The following FNTA variants were observed in gnomAD, a reference collection of about 807,000 sequenced individuals.
FNTA encodes the protein farnesyltransferase, CAAX box, subunit alpha.
In FNTA, 27 loss-of-function variants were observed where a neutral mutation model predicts 55.2. That is an observed-to-expected ratio of 0.49 (90% CI 0.36 to 0.67). FNTA has a LOEUF of 0.67. Ranked by LOEUF, FNTA falls within the 30% of genes least tolerant of loss-of-function variation. The pLI is 0.00. For missense variants in FNTA, 422 were observed against 464.7 expected (o/e 0.91, Z 0.85); for synonymous variants, 176 against 170.7 (o/e 1.03, Z -0.24).
rs1191783877 is a variant in FNTA, at chr8:43,072,253, T to C, written c.579T>C (p.Leu193=). 1 of 1,591,940 alleles carries C rather than the reference T, an allele frequency of 6.3e-7. No individual in the cohort carries two copies. The highest frequency in any genetic ancestry group is 1.4e-5 in the African/African-American group (1 of 73,880). Residue 193 remains leucine (L), a synonymous_variant, in exon 5 of 9, where the codon CTT becomes CTC. Transcript: ENST00000302279. ...AGCTTGAATTTATTGCTGATATTCT[T>C]AATCAGGATGCAAAGAATTATCATG... is the stretch of plus-strand genomic sequence containing the variant. ...SQELEFIADI[L]NQDAKNYHAW... is the part of the protein sequence containing the mutation.
At chr8:43,066,614 TTA>T (rs1288467757) in intron 3 of FNTA, among the ~76,000 whole-genome samples, 1 of 75,104 alleles carries the variant, frequency 1.3e-5, no homozygotes, top group African/African-American at 4.5e-5. Flanking sequence ...GTGTGTGTGT[TTA>T]ATTTCATGGA....
intron 5 of FNTA, among the ~76,000 whole-genome samples, chr8:43,075,561 A>G (rs1293521632): frequency 1.3e-5 from 2 of 152,002 alleles, no homozygotes; most frequent in Non-Finnish European, 2.9e-5. Flanking sequence ...CATGCCTGTA[A>G]TCCCAGCACT....
intron 5 of FNTA, among the ~76,000 whole-genome samples, chr8:43,076,378 T>C (rs1375996067): frequency 1.3e-5 from 2 of 152,116 alleles, no homozygotes; most frequent in African/African-American, 2.4e-5. Context: ...GATCTTGTTA[T>C]GTTGCCTCTG....
At position 43,085,516 on chromosome 8, in the gene FNTA, T is replaced by A. The variant is rs968411035; in HGVS notation, c.*234T>A. The A allele has an allele frequency of 2.6e-5, 13 of 503,530 alleles. No homozygotes were observed. Among genetic ancestry groups the A allele is most frequent in the Admixed American group, 8.4e-5 (2 of 23,832 alleles). 31.2% of individuals were successfully genotyped at this position (503,530 alleles called of 1,614,324 possible). A position where few individuals can be genotyped will look rare whatever the true frequency, so the allele number is the denominator to read the frequency against. On this transcript the variant is annotated 3_prime_UTR_variant, in exon 9 of 9. Transcript: ENST00000302279. ...ATGGGAGGAGGAAGAAAAAGTCCCATAAAGGAACTTTTGTAGTCTTATCAA... is the reference window on the plus strand; with the variant it reads ...ATGGGAGGAGGAAGAAAAAGTCCCAAAAAGGAACTTTTGTAGTCTTATCAA...
At chr8:43,080,089 G>GTGAAATGACATTGT (rs1810994262) in intron 6 of FNTA, 1 of 152,226 alleles carries the variant, frequency 6.6e-6, no homozygotes, top group Non-Finnish European at 1.5e-5. Context: ...CAACGACGTT[G>GTGAAATGACATTGT]TGAAATGACA....
intron 4 of FNTA, 26 bp downstream of exon 4, chr8:43,069,685 C>T (rs377283893): frequency 2.6e-4 from 388 of 1,472,000 alleles, no homozygotes; most frequent in Non-Finnish European, 3.5e-4. Context: ...AGCTGTGTCT[C>T]CCAGGCTGGA....
chr8:43,057,956 C>CAA lies in FNTA; in HGVS notation c.201-1120_201-1119dup, dbSNP rs71550440. On this transcript the variant is annotated intron_variant, in intron 1 of 8. Transcript: ENST00000302279. ...CCTGGACAAGAGCGTGACTCCATCT[C>CAA]AAAAAAAAAAAAAAAAAGTGAAAGG... 5.3e-4 allele frequency among the ~76,000 whole-genome samples: 37 copies of CAA among 69,342 alleles called. 1 individual carries two copies. The highest frequency in any genetic ancestry group is 1.4e-3 in the South Asian group (3 of 2,188). 45.5% of individuals were successfully genotyped at this position (69,342 alleles called of 152,430 possible). A position where few individuals can be genotyped will look rare whatever the true frequency, so the allele number is the denominator to read the frequency against.
intron 5 of FNTA, 34 bp from the exon 6 acceptor site, chr8:43,077,182 C>G: frequency 6.8e-7 from 1 of 1,478,936 alleles, no homozygotes; most frequent in Non-Finnish European, 9.2e-7. Context: ...TGGGACATTT[C>G]TAATTGGATG....
chr8:43,072,185 C>A lies in FNTA; in HGVS notation c.511C>A (p.His171Asn). The change falls in exon 5 of 9, where the codon CAT (histidine) becomes AAT (asparagine). Residue 171 changes from histidine to asparagine, a missense_variant. By Grantham distance (68) the His-to-Asn change is moderately conservative. Coordinates refer to ENST00000302279, the MANE Select transcript of FNTA (RefSeq NM_002027.3). ...TCTCCCTTCTTTGGGCTTTAGGCAT[C>A]ATAGGCGAGTATTAGTGGAATGGCT... Reference protein sequence around the residue: ...EQPKNYQVWHHRRVLVEWLRD... With the variant: ...EQPKNYQVWHNRRVLVEWLRD... 6.5e-7 allele frequency: 1 copy of A among 1,537,192 alleles called. No homozygotes were observed. The highest frequency in any genetic ancestry group is 1.3e-5 in the South Asian group (1 of 79,192).
At chr8:43,072,446 C>A (rs1810814391) in intron 5 of FNTA, 139 bp downstream of exon 5, 1 of 501,454 alleles carries the variant, frequency 2.0e-6, no homozygotes, top group African/African-American at 2.0e-5. Flanking sequence ...AAATTATTGG[C>A]CATGTGTGGT....
At chr8:43,064,986 G>A (rs1460134953) in intron 3 of FNTA, among the ~76,000 whole-genome samples, 2 of 151,284 alleles carry the variant, frequency 1.3e-5, no homozygotes, top group African/African-American at 4.9e-5. Context: ...ACAGGTGCCC[G>A]CCACCATGCC....
intron 3 of FNTA, among the ~76,000 whole-genome samples, chr8:43,066,263 T>C (rs1459487534): frequency 7.6e-6 from 1 of 131,066 alleles, no homozygotes; most frequent in Non-Finnish European, 1.7e-5. Context: ...GTGAATATGC[T>C]TTTTTTTTTT....
chr8:43,073,266 A>G (rs533806353), intron 5 of FNTA, among the ~76,000 whole-genome samples: 2 of 152,350 alleles, frequency 1.3e-5, no homozygotes, highest in South Asian at 2.1e-4. Flanking sequence ...ATAAAAGCAT[A>G]CATTTTACAC....
chr8:43,061,612 T>C (rs1220098461), intron 2 of FNTA, among the ~76,000 whole-genome samples: 2 of 152,234 alleles, frequency 1.3e-5, no homozygotes, highest in East Asian at 3.8e-4. Context: ...TAATACTATA[T>C]AACCGTTAAG....
intron 3 of FNTA, among the ~76,000 whole-genome samples, chr8:43,066,262 C>CT (rs36087115): frequency 0.05 from 7,002 of 140,824 alleles, 243 homozygotes; most frequent in South Asian, 0.083. Flanking sequence ...TGTGAATATG[C>CT]TTTTTTTTTT....
At chr8:43,065,248 T>G (rs185015114) in intron 3 of FNTA, among the ~76,000 whole-genome samples, 187 of 152,200 alleles carry the variant, frequency 1.2e-3, no homozygotes, top group Admixed American at 2.7e-3. Flanking sequence ...ACTTTTTTTT[T>G]TTTGTTTGTT....
rs557770687 is a variant in FNTA, at chr8:43,071,706, A to C, written c.507-475A>C. 1.9e-4 allele frequency among the ~76,000 whole-genome samples: 29 copies of C among 152,058 alleles called. 1 individual carries two copies. Among genetic ancestry groups the C allele is most frequent in the Middle Eastern group, 3.4e-3 (1 of 292 alleles). On this transcript the variant is annotated intron_variant, in intron 4 of 8. Coordinates refer to ENST00000302279, the MANE Select transcript of FNTA (RefSeq NM_002027.3). ...CGAGACTTCGTCTCAAAAAAAAAAAAAAAAACAAAAAAACTCCTCTGTTGA... is the reference window on the plus strand; with the variant it reads ...CGAGACTTCGTCTCAAAAAAAAAAACAAAAACAAAAAAACTCCTCTGTTGA...
At chr8:43,066,653 C>A (rs1269429748) in intron 3 of FNTA, among the ~76,000 whole-genome samples, 1 of 150,986 alleles carries the variant, frequency 6.6e-6, no homozygotes, top group Non-Finnish European at 1.5e-5. Flanking sequence ...CTCTTTTGTT[C>A]TCTTTCATAT....
Position 43,063,710 on chromosome 8 carries a change from G to C in FNTA, c.287-391G>C, listed in dbSNP as rs182860555. ...ATGGAAATCTAGTGTGAACCTTTTTGTACTGTTTGAGTTTTCTGCCTTTGG... is the reference window on the plus strand; with the variant it reads ...ATGGAAATCTAGTGTGAACCTTTTTCTACTGTTTGAGTTTTCTGCCTTTGG... On this transcript the variant is annotated intron_variant, in intron 2 of 8. Coordinates refer to ENST00000302279, the MANE Select transcript of FNTA (RefSeq NM_002027.3). Among the ~76,000 whole-genome samples, 251 of 152,228 alleles carry C rather than the reference G, an allele frequency of 1.6e-3. 1 individual carries two copies. The Middle Eastern group carries it at 0.017, about 10-fold the overall frequency.
Sources: gnomAD v4.1 joint callset for allele counts (sites outside exome capture counted in the v4.1 genomes callset) on GRCh38, gnomAD v4.1.1 for gene constraint, MANE v1.5 for transcripts, NCBI Gene and HGNC (gene_info 2026-07-23, HGNC 2026-07-21) for gene names.